VWA8: variants seen among roughly 807,000 people sequenced by gnomAD.
VWA8 encodes von Willebrand factor A domain-containing protein 8.
In VWA8, 221 loss-of-function variants were observed where a neutral mutation model predicts 241.5. That is an observed-to-expected ratio of 0.91 (90% CI 0.82 to 1.02). The LOEUF (loss-of-function observed/expected upper bound fraction) is 1.02, where lower values mean the gene tolerates loss of function less well. Among genes scored for constraint, VWA8 ranks in the 50% least tolerant of loss-of-function variants. The probability of loss-of-function intolerance (pLI) is 0.00; values close to 1 mark genes in which losing one functional copy is unlikely to be tolerated. For synonymous variants in VWA8, 852 were observed against 827.1 expected (o/e 1.03, Z -0.52); for missense variants, 2,322 against 2,328.7 (o/e 1.00, Z 0.06).
intron 19 of VWA8, among the ~76,000 whole-genome samples, chr13:41,778,765 T>C (rs1208235069): frequency 1.3e-5 from 2 of 151,494 alleles, no homozygotes; most frequent in Non-Finnish European, 1.5e-5. Flanking sequence ...TGACGTTCCC[T>C]ATTTGTAAAA....
In VWA8 at chr13:41,926,913, G is replaced by C. The variant is rs1876873275; in HGVS notation, c.242-14745C>G. 3 of 568,170 alleles carry C rather than the reference G, an allele frequency of 5.3e-6. No individual in the cohort carries two copies. In the African/African-American group the frequency reaches 5.7e-5, roughly 11 times the overall value. The allele number at this position is 568,170 out of a possible 1,614,324, so 35.2% of individuals were successfully genotyped here. A position where few individuals can be genotyped will look rare whatever the true frequency, so the allele number is the denominator to read the frequency against. The stretch of plus-strand genomic sequence containing the variant: ...ACCTTGGACCACAGCCAGGCTCCTT[G>C]ACAAGCTTGTAGGGGAGTTCCTGGA... On this transcript the variant is annotated intron_variant, in intron 2 of 44. Coordinates refer to ENST00000379310, the MANE Select transcript of VWA8 (RefSeq NM_015058.2).
At chr13:41,685,456 G>A (rs1026058571) in intron 34 of VWA8, among the ~76,000 whole-genome samples, 1 of 152,118 alleles carries the variant, frequency 6.6e-6, no homozygotes, top group Non-Finnish European at 1.5e-5. Flanking sequence ...AGGAGTTTGA[G>A]ACTGGCCTGG....
At chr13:41,942,268 C>A (rs940098930) in intron 2 of VWA8, among the ~76,000 whole-genome samples, 6 of 152,166 alleles carry the variant, frequency 3.9e-5, no homozygotes, top group African/African-American at 1.4e-4. Flanking sequence ...ACTCCCACTT[C>A]CAGTTAGGAT....
intron 40 of VWA8, among the ~76,000 whole-genome samples, chr13:41,591,974 C>A (rs1391375354): frequency 6.9e-6 from 1 of 145,862 alleles, no homozygotes; most frequent in Non-Finnish European, 1.5e-5. Flanking sequence ...GGGTATATAC[C>A]CAAAGGATTA....
At chr13:41,699,425 A>T (rs888366963) in intron 28 of VWA8, among the ~76,000 whole-genome samples, 155 bp from the exon 29 acceptor site, 3 of 152,228 alleles carry the variant, frequency 2.0e-5, no homozygotes, top group Non-Finnish European at 4.4e-5. Context: ...TGAAAAGACC[A>T]TGAGAAACAA....
chr13:41,734,136 G>A (rs1435001994), intron 21 of VWA8, among the ~76,000 whole-genome samples: 5 of 152,086 alleles, frequency 3.3e-5, no homozygotes, highest in African/African-American at 9.7e-5. Context: ...TCAGAAGTTC[G>A]AGACCAGCTT....
chr13:41,711,769 G>A (rs527662216), intron 26 of VWA8, among the ~76,000 whole-genome samples: 1 of 152,176 alleles, frequency 6.6e-6, no homozygotes, highest in African/African-American at 2.4e-5. Context: ...AGCTACTTGG[G>A]AGGCTGAGGC....
chr13:41,630,608 C>T (rs995895427), intron 37 of VWA8, among the ~76,000 whole-genome samples: 1 of 151,868 alleles, frequency 6.6e-6, no homozygotes, highest in South Asian at 2.1e-4. Flanking sequence ...TCTGAGTTTA[C>T]AAAATCTCTG....
chr13:41,834,015 G>A (rs1871603935), intron 12 of VWA8, among the ~76,000 whole-genome samples: 1 of 152,148 alleles, frequency 6.6e-6, no homozygotes, highest in Non-Finnish European at 1.5e-5. Context: ...GAGTTTTCCT[G>A]AAAAGCTATG....
chr13:41,721,047 G>C (rs2137848674), intron 25 of VWA8, among the ~76,000 whole-genome samples: 1 of 152,192 alleles, frequency 6.6e-6, no homozygotes, highest in East Asian at 1.9e-4. Context: ...CCACATGCTT[G>C]TTGTAAAAAG....
chr13:41,715,693 T>C (rs1049188839), intron 26 of VWA8, among the ~76,000 whole-genome samples: 1 of 152,062 alleles, frequency 6.6e-6, no homozygotes, highest in Non-Finnish European at 1.5e-5. Context: ...TTGGACCTAA[T>C]TCTCTTAAAA....
intron 40 of VWA8, among the ~76,000 whole-genome samples, chr13:41,592,570 GA>G (rs58447140): frequency 1.2e-3 from 164 of 133,504 alleles, no homozygotes; most frequent in Middle Eastern, 0.011. Context: ...TATTTGTTTT[GA>G]AAAAAAAAAA....
At position 41,833,430 on chromosome 13, in the gene VWA8, C is replaced by T. The variant is rs763718875; in HGVS notation, c.1527G>A (p.Lys509=). ...SPLVNAALEG[K]LVLLDGIHRV... ...GGTGAATGCCATCCAGCAGGACCAG[C>T]TTGCCTTCCAGAGCAGCATTCACAA... Residue 509 remains lysine, a synonymous_variant, in exon 13 of 45, where the codon AAG becomes AAA. Transcript: ENST00000379310. The T allele has an allele frequency of 1.2e-6, 2 of 1,614,068 alleles. No homozygotes were observed. Among genetic ancestry groups the T allele is most frequent in the African/African-American group, 1.3e-5 (1 of 75,050 alleles).
intron 12 of VWA8, among the ~76,000 whole-genome samples, chr13:41,847,491 G>A (rs1872340722): frequency 6.6e-6 from 1 of 152,200 alleles, no homozygotes; most frequent in Admixed American, 6.5e-5. Context: ...AAAGTACCCA[G>A]TGAGACTGAA....
intron 20 of VWA8, among the ~76,000 whole-genome samples, chr13:41,765,163 C>G (rs2045770978): frequency 6.6e-6 from 1 of 151,422 alleles, no homozygotes; most frequent in Non-Finnish European, 1.5e-5. Context: ...GGGAGGAGAA[C>G]TGAATTAGCT....
At chr13:41,631,964 G>A (rs1298369210) in intron 37 of VWA8, among the ~76,000 whole-genome samples, 6 of 152,164 alleles carry the variant, frequency 3.9e-5, no homozygotes, top group Admixed American at 2.6e-4. Context: ...GGTAGGGCAA[G>A]CTGTCAGGTC....
chr13:41,914,355 AT>A (rs1876155376), intron 2 of VWA8, among the ~76,000 whole-genome samples: 1 of 152,234 alleles, frequency 6.6e-6, no homozygotes, highest in Admixed American at 6.5e-5. Flanking sequence ...TTAGCAATCT[AT>A]TAGGTAGTTT....
intron 12 of VWA8, among the ~76,000 whole-genome samples, chr13:41,851,952 G>A (rs1872546314): frequency 1.3e-5 from 2 of 152,138 alleles, no homozygotes; most frequent in African/African-American, 4.8e-5. Context: ...ACACCCAGAA[G>A]TGGGATTGCT....
chr13:41,898,628 G>A (rs1197654904), intron 4 of VWA8, among the ~76,000 whole-genome samples: 1 of 152,232 alleles, frequency 6.6e-6, no homozygotes, highest in African/African-American at 2.4e-5. Context: ...CGTGGAGCAG[G>A]GGGCGGCATT....
Sources: allele counts gnomAD v4.1 joint callset (sites outside exome capture counted in the v4.1 genomes callset), GRCh38; gene constraint gnomAD v4.1.1; transcripts MANE v1.5; gene names NCBI Gene and HGNC (gene_info 2026-07-23, HGNC 2026-07-21).